Variants in ADAM19 observed in about 807,000 individuals in gnomAD.
ADAM19 encodes the protein ADAM metallopeptidase domain 19, also known as disintegrin and metalloproteinase domain-containing protein 19.
Under a neutral mutation model 114.7 loss-of-function variants are expected in ADAM19, and 65 were observed. The observed-to-expected ratio is 0.57, with a 90% CI of 0.46 to 0.70. ADAM19 has a LOEUF of 0.70. Among genes scored for constraint, ADAM19 ranks in the 30% least tolerant of loss-of-function variants. The pLI is 0.00. For missense variants in ADAM19, 1,063 were observed against 1,204.7 expected (o/e 0.88, Z 1.74); for synonymous variants, 466 against 460.5 (o/e 1.01, Z -0.15).
At chr5:157,534,458 A>C (rs1234076858) in intron 4 of ADAM19, among the ~76,000 whole-genome samples, 1 of 152,182 alleles carries the variant, frequency 6.6e-6, no homozygotes, top group Non-Finnish European at 1.5e-5. Context: ...ACAGAGTGAG[A>C]CTGTGTCTCA....
At chr5:157,485,097 G>A (rs912550590) in intron 21 of ADAM19, among the ~76,000 whole-genome samples, 1 of 152,196 alleles carries the variant, frequency 6.6e-6, no homozygotes, top group Admixed American at 6.5e-5. Flanking sequence ...AGCCTGACAC[G>A]GGGCGTCATC....
At position 157,480,077 on chromosome 5, in the gene ADAM19, C is replaced by T. The variant is rs1037363626; in HGVS notation, c.*872G>A. The T allele has an allele frequency of 1.2e-5, 12 of 985,906 alleles. No homozygotes were observed. The highest frequency in any genetic ancestry group is 4.7e-5 in the South Asian group (1 of 21,282). The allele number at this position is 985,906 out of a possible 1,614,324, so 61.1% of individuals were successfully genotyped here. A position where few individuals can be genotyped will look rare whatever the true frequency, so the allele number is the denominator to read the frequency against. ...TGTAGGTCACAAGCACCTGGTCACC[C>T]GAAGGTCAGGACTGCTGAGGGTTTG... On this transcript the variant is annotated 3_prime_UTR_variant, in exon 23 of 23. Coordinates refer to ENST00000257527, the MANE Select transcript of ADAM19 (RefSeq NM_033274.5).
At chr5:157,515,880 A>G (rs963730215) in intron 7 of ADAM19, among the ~76,000 whole-genome samples, 1 of 152,146 alleles carries the variant, frequency 6.6e-6, no homozygotes, top group African/African-American at 2.4e-5. Flanking sequence ...TAAACTGAGA[A>G]CCACCCTAGA....
rs760944738 is a variant in ADAM19, at chr5:157,519,831, A to C, written c.600+8T>G. 4 of 1,605,264 alleles carry C rather than the reference A, an allele frequency of 2.5e-6. No individual in the cohort carries two copies. The Admixed American group carries it at 6.8e-5, about 27-fold the overall frequency. On this transcript the variant is annotated splice_region_variant and intron_variant, in intron 6 of 22. Transcript: ENST00000257527. Reference sequence around the variant, plus strand: ...GTTGATTTCTGCACTGAGAGCCTCAAAACTCACCCTGCGAGGTCGCTTCTT... The same window carrying C: ...GTTGATTTCTGCACTGAGAGCCTCACAACTCACCCTGCGAGGTCGCTTCTT...
Position 157,477,695 on chromosome 5 carries a change from A to G in ADAM19, c.*3254T>C, listed in dbSNP as rs1754633917. 7.8e-7 allele frequency: 1 copy of G among 1,289,788 alleles called. No homozygotes were observed. The highest frequency in any genetic ancestry group is 2.1e-4 in the Middle Eastern group (1 of 4,696). 79.9% of individuals were successfully genotyped at this position (1,289,788 alleles called of 1,614,324 possible). A position where few individuals can be genotyped will look rare whatever the true frequency, so the allele number is the denominator to read the frequency against. ...TGGTTAACACAATTACTGACTTTGG[A>G]ACTGGTCCCCAGTTTTCAAATTGCA... On this transcript the variant is annotated 3_prime_UTR_variant, in exon 23 of 23. Coordinates refer to ENST00000257527, the MANE Select transcript of ADAM19 (RefSeq NM_033274.5).
intron 13 of ADAM19, among the ~76,000 whole-genome samples, chr5:157,498,688 GTATATATATATA>G (rs55867903): frequency 7.0e-6 from 1 of 143,862 alleles, no homozygotes; most frequent in African/African-American, 2.5e-5. Context: ...ATGTGTGTAT[GTATATATATATA>G]TATATATATA....
At chr5:157,541,248 C>G (rs1320431234) in intron 3 of ADAM19, among the ~76,000 whole-genome samples, 1 of 152,224 alleles carries the variant, frequency 6.6e-6, no homozygotes, top group Non-Finnish European at 1.5e-5. Context: ...AGGAAGCCGT[C>G]TCTCACCATT....
chr5:157,503,705 AC>A (rs1393386750), intron 11 of ADAM19, among the ~76,000 whole-genome samples: 9 of 152,154 alleles, frequency 5.9e-5, no homozygotes, highest in Admixed American at 5.9e-4. Flanking sequence ...GCCAACCTAA[AC>A]TTTTCCTGAA....
At chr5:157,483,265 A>G (rs1754818506) in intron 21 of ADAM19, among the ~76,000 whole-genome samples, 1 of 152,216 alleles carries the variant, frequency 6.6e-6, no homozygotes, top group Non-Finnish European at 1.5e-5. Context: ...CTTCTGACCT[A>G]TGTTAGAGAA....
intron 3 of ADAM19, among the ~76,000 whole-genome samples, chr5:157,557,053 G>C (rs1430502719): frequency 6.6e-6 from 1 of 152,024 alleles, no homozygotes; most frequent in African/African-American, 2.4e-5. Context: ...GCTAATTTTT[G>C]TGGGGGTTTT....
At chr5:157,513,623 T>C (rs1346735089) in intron 7 of ADAM19, 118 bp from the exon 8 acceptor site, 2 of 902,452 alleles carry the variant, frequency 2.2e-6, no homozygotes, top group Non-Finnish European at 3.6e-6. Flanking sequence ...TGAGCCATCA[T>C]TTTTATGCAA....
chr5:157,477,780 C>T lies in ADAM19; in HGVS notation c.*3169G>A. On this transcript the variant is annotated 3_prime_UTR_variant, in exon 23 of 23. Transcript: ENST00000257527. ...TAGGAAGTAGGCAGGGAGAGACTTC[C>T]AATAAAGATTGGAAAGGCGTATTGC... 1 of 1,260,650 alleles carries T rather than the reference C, an allele frequency of 7.9e-7. No homozygotes were observed. Among genetic ancestry groups the T allele is most frequent in the South Asian group, 1.2e-5 (1 of 80,384 alleles). 78.1% of individuals were successfully genotyped at this position (1,260,650 alleles called of 1,614,324 possible). A position where few individuals can be genotyped will look rare whatever the true frequency, so the allele number is the denominator to read the frequency against.
rs192133028 is a variant in ADAM19 at position 157,504,374 on chromosome 5, C to A, written c.1130+1295G>T. 2.4e-4 allele frequency among the ~76,000 whole-genome samples: 36 copies of A among 152,264 alleles called. No individual in the cohort carries two copies. In the East Asian group the frequency reaches 7.0e-3, roughly 29 times the overall value. The stretch of plus-strand genomic sequence containing the variant: ...CAAGTGATTTTCCCGCCTCAGCCTC[C>A]CTAGTAGCTGGGACCACAGGCGTGC... On this transcript the variant is annotated intron_variant, in intron 11 of 22. Transcript: ENST00000257527.
Position 157,496,993 on chromosome 5 carries a change from A to T in ADAM19, c.1495T>A (p.Tyr499Asn). 2 of 1,598,846 alleles carry T rather than the reference A, an allele frequency of 1.3e-6. No homozygotes were observed. Among genetic ancestry groups the T allele is most frequent in the Non-Finnish European group, 1.7e-6 (2 of 1,173,542 alleles). Residue 499 changes from tyrosine to asparagine, a missense_variant, in exon 14 of 23, where the codon TAC becomes AAC. Coordinates refer to ENST00000257527, the MANE Select transcript of ADAM19 (RefSeq NM_033274.5). ...TCACAGGGGGTACCATCCATCTGGT[A>T]GAAGTTGGTAGGGCAGTGGGGAGAC... ...GKSPHCPTNF[Y>N]QMDGTPCEGG...
At chr5:157,542,341 C>CT (rs1190616397) in intron 3 of ADAM19, among the ~76,000 whole-genome samples, 48 of 151,174 alleles carry the variant, frequency 3.2e-4, no homozygotes, top group African/African-American at 1.0e-3. Context: ...ATTTTTAATT[C>CT]TTTTTTTTAT....
chr5:157,532,122 C>T (rs578211358), intron 4 of ADAM19, among the ~76,000 whole-genome samples: 2 of 152,228 alleles, frequency 1.3e-5, no homozygotes, highest in South Asian at 2.1e-4. Context: ...TACCTGTGCC[C>T]GTGAGGTCTG....
chr5:157,512,980 G>A (rs1755966531), intron 8 of ADAM19, among the ~76,000 whole-genome samples: 1 of 152,152 alleles, frequency 6.6e-6, no homozygotes, highest in South Asian at 2.1e-4. Context: ...CTTAAACTGG[G>A]CTCTTCCATG....
intron 21 of ADAM19, among the ~76,000 whole-genome samples, chr5:157,487,868 C>T (rs1009628360): frequency 1.1e-4 from 16 of 152,276 alleles, no homozygotes; most frequent in African/African-American, 2.6e-4. Flanking sequence ...CTGGGAGAAG[C>T]GGCATCTAGG....
chr5:157,565,809 T>C (rs1224392013), intron 2 of ADAM19, among the ~76,000 whole-genome samples: 1 of 151,574 alleles, frequency 6.6e-6, no homozygotes, highest in Non-Finnish European at 1.5e-5. Flanking sequence ...CATTTATTAC[T>C]TATAATAATG....
Sources: allele counts gnomAD v4.1 joint callset (sites outside exome capture counted in the v4.1 genomes callset), GRCh38; gene constraint gnomAD v4.1.1; transcripts MANE v1.5; gene names NCBI Gene and HGNC (gene_info 2026-07-23, HGNC 2026-07-21).